CHRNB4: variants seen among roughly 807,000 people sequenced by gnomAD.
CHRNB4 encodes the protein cholinergic receptor nicotinic beta 4 subunit, also known as neuronal acetylcholine receptor subunit beta-4.
CHRNB4 carries 23 observed loss-of-function variants against 40.4 expected under a neutral mutation model. That is an observed-to-expected ratio of 0.57 (90% CI 0.41 to 0.81). CHRNB4 has a LOEUF of 0.81. Among genes scored for constraint, CHRNB4 ranks in the 30% least tolerant of loss-of-function variants. The pLI is 0.00. For missense variants in CHRNB4, 568 were observed against 670.6 expected, an observed-to-expected ratio of 0.85 and a Z score of 1.69; for synonymous variants, 285 against 274.4, an observed-to-expected ratio of 1.04 and a Z score of -0.38.
At chr15:78,632,797 C>T (rs1368957011) in intron 2 of CHRNB4, among the ~76,000 whole-genome samples, 1 of 152,068 alleles carries the variant, frequency 6.6e-6, no homozygotes, top group East Asian at 1.9e-4. Flanking sequence ...TAATCCAGGC[C>T]ACCATAATCC....
At chr15:78,649,493 A>G (rs1196136398) in intron 6 of CHRNB4, 3 of 436,646 alleles carry the variant, frequency 6.9e-6, no homozygotes, top group African/African-American at 6.2e-5. Flanking sequence ...AAAACAAAAT[A>G]AAACAATGCA....
intron 2 of CHRNB4, among the ~76,000 whole-genome samples, chr15:78,657,706 A>G (rs2054225710): frequency 6.6e-6 from 1 of 151,916 alleles, no homozygotes; most frequent in African/African-American, 2.4e-5. Context: ...GGCACTCCCC[A>G]CCACGCCCGG....
At chr15:78,628,844 A>G (rs1290148080) in intron 5 of CHRNB4, 123 bp downstream of exon 5, 2 of 1,246,474 alleles carry the variant, frequency 1.6e-6, no homozygotes, top group Admixed American at 2.6e-5. Flanking sequence ...TCAATTTTGG[A>G]TTCCTTATTC....
At chr15:78,661,288 C>T, upstream of CHRNB4, 1 of 599,304 alleles carries the variant, frequency 1.7e-6, no homozygotes, top group Non-Finnish European at 3.3e-6. Context: ...CGGCGGCAGC[C>T]CGGCTGGTCA....
rs1458154507 is a variant in CHRNB4, at chr15:78,629,816, G to A, written c.489C>T (p.Asp163=). The A allele has an allele frequency of 1.9e-6, 3 of 1,614,142 alleles. No homozygotes were observed. The highest frequency in any genetic ancestry group is 1.7e-6 in the Non-Finnish European group (2 of 1,180,032). Residue 163 remains aspartate (D), a synonymous_variant, in exon 5 of 6, where the codon GAC becomes GAT. Coordinates refer to ENST00000261751, the MANE Select transcript of CHRNB4 (RefSeq NM_000750.5). The surrounding 1 kb of genome is among the most constrained non-coding windows in gnomAD (Gnocchi z 6.8). ...GGAACTTGAGGGTGCAGTTCTGCTG[G>A]TCGAAGGGAAAGTACTTCACCTCAA... ...CKIEVKYFPF[D]QQNCTLKFRS... is the part of the protein sequence containing the mutation.
upstream of CHRNB4, among the ~76,000 whole-genome samples, chr15:78,643,352 C>T (rs1191414293): frequency 3.3e-5 from 5 of 151,748 alleles, no homozygotes; most frequent in Non-Finnish European, 2.9e-5. Context: ...CAGGCCCAAG[C>T]GATCTTCCCA....
At chr15:78,651,154 C>CTGATCTATAAAGCAGCCAG (rs546507094) in intron 6 of CHRNB4, among the ~76,000 whole-genome samples, 44 of 152,232 alleles carry the variant, frequency 2.9e-4, no homozygotes, top group East Asian at 1.7e-3. Context: ...ACCTATGACT[C>CTGATCTATAAAGCAGCCAG]TGATCTATAA....
Position 78,629,010 on chromosome 15 carries a change from C to A in CHRNB4, c.1295G>T (p.Ser432Ile). The A allele has an allele frequency of 1.2e-6, 2 of 1,614,106 alleles. No individual in the cohort carries two copies. The highest frequency in any genetic ancestry group is 1.7e-6 in the Non-Finnish European group (2 of 1,180,014). ...QDVQEALEGVSFIAQHMKNDD... is the reference protein window; with the variant it reads ...QDVQEALEGVIFIAQHMKNDD... ...ATTCTTCATGTGCTGGGCGATGAAG[C>A]TGACACCTTCTAATGCCTCCTGCAC... Residue 432 changes from serine to isoleucine, a missense_variant, in exon 5 of 6, where the codon AGC becomes ATC. This residue lies in a region of CHRNB4 where 242 missense variants were observed against 274.9 expected (regional missense o/e 0.88). Transcript: ENST00000261751. This position sits in a 1 kb window ranked among gnomAD's most constrained non-coding sequence, Gnocchi z 6.8.
chr15:78,650,414 C>A (rs961443482), intron 6 of CHRNB4, among the ~76,000 whole-genome samples: 1 of 152,156 alleles, frequency 6.6e-6, no homozygotes. Context: ...TTCCTGGGCC[C>A]AGGGTTTGTC....
At position 78,629,465 on chromosome 15, in the gene CHRNB4, G is replaced by A. The variant is rs55859769; in HGVS notation, c.840C>T (p.Leu280=). The A allele has an allele frequency of 1.1e-5, 18 of 1,614,066 alleles. No individual in the cohort carries two copies. The highest frequency in any genetic ancestry group is 6.6e-5 in the South Asian group (6 of 91,086). The part of the protein sequence containing the change: ...VLLALTFFLL[L]ISKIVPPTSL... ...AGGTGGGTGGCACGATCTTGGAGAT[G>A]AGCAGCAGGAAGAATGTCAGTGCCA... The change falls in exon 5 of 6, where the codon CTC becomes CTT. Residue 280 remains leucine (L), a synonymous_variant. Coordinates refer to ENST00000261751, the MANE Select transcript of CHRNB4 (RefSeq NM_000750.5). This position sits in a 1 kb window ranked among gnomAD's most constrained non-coding sequence, Gnocchi z 6.8.
intron 7 of CHRNB4, among the ~76,000 whole-genome samples, chr15:78,646,626 C>T (rs542261923): frequency 6.6e-6 from 1 of 152,114 alleles, no homozygotes; most frequent in African/African-American, 2.4e-5. Flanking sequence ...TTTTTGTATC[C>T]TCACATGGCA....
chr15:78,636,172 G>C (rs778658284), intron 1 of CHRNB4, among the ~76,000 whole-genome samples: 2 of 152,142 alleles, frequency 1.3e-5, no homozygotes, highest in Non-Finnish European at 2.9e-5. Context: ...CACTCAAAGT[G>C]CTGGGATTAC....
chr15:78,639,037 C>G (rs1309230265), intron 1 of CHRNB4, among the ~76,000 whole-genome samples: 1 of 152,204 alleles, frequency 6.6e-6, no homozygotes, highest in Non-Finnish European at 1.5e-5. Context: ...GGCTAATAAT[C>G]TGAGAGGAAG....
chr15:78,644,403 G>A (rs1180797067), upstream of CHRNB4, among the ~76,000 whole-genome samples: 1 of 151,434 alleles, frequency 6.6e-6, no homozygotes, highest in Non-Finnish European at 1.5e-5. Context: ...TGTGTGGGGG[G>A]TTTATCTGTT....
chr15:78,641,228 C>G (rs1213702952), upstream of CHRNB4: 30 of 1,196,926 alleles, frequency 2.5e-5, no homozygotes, highest in Non-Finnish European at 3.3e-5. Flanking sequence ...GGTCCTGGCC[C>G]CCGAGGTTTG....
chr15:78,633,479 TC>T (rs1433372534), intron 2 of CHRNB4, among the ~76,000 whole-genome samples: 2 of 152,144 alleles, frequency 1.3e-5, no homozygotes, highest in Non-Finnish European at 2.9e-5. Context: ...AATTCCACAT[TC>T]CAGGCTGTTG....
upstream of CHRNB4, among the ~76,000 whole-genome samples, chr15:78,643,814 T>C (rs528321056): frequency 2.6e-5 from 4 of 152,180 alleles, no homozygotes; most frequent in East Asian, 7.7e-4. Context: ...CCTATTAGCA[T>C]TCCTATACAT....
At chr15:78,636,788 T>C (rs1388516139) in intron 1 of CHRNB4, among the ~76,000 whole-genome samples, 1 of 152,118 alleles carries the variant, frequency 6.6e-6, no homozygotes, top group African/African-American at 2.4e-5. Context: ...TCTGCCAAGA[T>C]TGCCCCCAGC....
exon 4 of CHRNB4, chr15:78,656,456 T>G (rs535384070): frequency 6.6e-6 from 1 of 152,102 alleles, no homozygotes; most frequent in African/African-American, 2.4e-5. Context: ...TTGATCACTA[T>G]GCATTATATA....
Sources: gnomAD v4.1 joint callset for allele counts (sites outside exome capture counted in the v4.1 genomes callset) on GRCh38, gnomAD v4.1.1 for gene constraint, gnomAD v4.1.1 regional missense constraint, Gnocchi (gnomAD v3.1) non-coding constraint, MANE v1.5 for transcripts, NCBI Gene and HGNC (gene_info 2026-07-23, HGNC 2026-07-21) for gene names.